RPS6KB1: variants seen among roughly 807,000 people sequenced by gnomAD.
RPS6KB1 encodes the protein ribosomal protein S6 kinase beta-1.
RPS6KB1 carries 12 observed loss-of-function variants against 70.2 expected under a neutral mutation model. The observed-to-expected ratio is 0.17, with a 90% CI of 0.11 to 0.28. The LOEUF is 0.28. Among genes scored for constraint, RPS6KB1 ranks in the 10% least tolerant of loss-of-function variants. The pLI is 1.00. For synonymous variants in RPS6KB1, 175 were observed against 211.2 expected, an observed-to-expected ratio of 0.83 and a Z score of 1.49; for missense variants, 270 against 646.6, an observed-to-expected ratio of 0.42 and a Z score of 6.32.
chr17:59,912,190 G>T, intron 2 of RPS6KB1: 1 of 189,946 alleles, frequency 5.3e-6, no homozygotes, highest in South Asian at 9.3e-5. Flanking sequence ...GCACTCCTAA[G>T]AGCAAGATGG....
chr17:59,903,258 T>G (rs2144709209), intron 1 of RPS6KB1, among the ~76,000 whole-genome samples: 1 of 150,356 alleles, frequency 6.7e-6, no homozygotes, highest in Admixed American at 6.7e-5. Flanking sequence ...TGACCCGAGA[T>G]AGCACCACTG....
intron 2 of RPS6KB1, among the ~76,000 whole-genome samples, chr17:59,911,550 T>G (rs1250041643): frequency 2.1e-5 from 3 of 143,134 alleles, no homozygotes; most frequent in Non-Finnish European, 3.0e-5. Flanking sequence ...TTTTTTTTTT[T>G]TTTTTTTTTT....
At chr17:59,922,387 C>T (rs895534275) in intron 4 of RPS6KB1, among the ~76,000 whole-genome samples, 51 of 151,422 alleles carry the variant, frequency 3.4e-4, no homozygotes, top group African/African-American at 1.2e-3. Context: ...ATGATAGAAA[C>T]GGTGTGAATA....
intron 12 of RPS6KB1, among the ~76,000 whole-genome samples, chr17:59,937,445 T>C (rs1245941520): frequency 6.6e-6 from 1 of 152,218 alleles, no homozygotes; most frequent in Non-Finnish European, 1.5e-5. Flanking sequence ...ATCTCATAGA[T>C]CTGGAGACTA....
chr17:59,894,387 G>C (rs1467538523), intron 1 of RPS6KB1, among the ~76,000 whole-genome samples: 1 of 152,104 alleles, frequency 6.6e-6, no homozygotes. Flanking sequence ...CCTCTTGGTA[G>C]TTTAGCATCT....
At chr17:59,910,728 T>C in intron 2 of RPS6KB1, 117 bp downstream of exon 2, 1 of 666,318 alleles carries the variant, frequency 1.5e-6, no homozygotes, top group South Asian at 1.9e-5. Flanking sequence ...TGTAGTCATA[T>C]TTATCAACTC....
At chr17:59,924,318 G>C (rs1259577468) in intron 4 of RPS6KB1, among the ~76,000 whole-genome samples, 1 of 134,680 alleles carries the variant, frequency 7.4e-6, no homozygotes, top group Admixed American at 7.5e-5. Flanking sequence ...GACAGAGTGA[G>C]ACTCTGTCTA....
chr17:59,898,345 A>G (rs1053361153), intron 1 of RPS6KB1, among the ~76,000 whole-genome samples: 2 of 152,196 alleles, frequency 1.3e-5, no homozygotes, highest in African/African-American at 4.8e-5. Context: ...CCAAAGTGCT[A>G]TATAGATAGT....
chr17:59,936,144 C>G, intron 10 of RPS6KB1, 71 bp from the exon 11 acceptor site: 1 of 1,355,696 alleles, frequency 7.4e-7, no homozygotes, highest in South Asian at 1.3e-5. Context: ...TAGACAAGCA[C>G]AGTCTAAAAA....
At position 59,947,879 on chromosome 17, in the gene RPS6KB1, T is replaced by A. The variant is rs1415863360; in HGVS notation, c.*1091T>A. On this transcript the variant is annotated 3_prime_UTR_variant, in exon 15 of 15. Transcript: ENST00000225577. ...TCTGTCTAATCTCTTTACAGCAAATTGGTAAGATTTTCAGTTTTACTTCTT... is the reference window on the plus strand; with the variant it reads ...TCTGTCTAATCTCTTTACAGCAAATAGGTAAGATTTTCAGTTTTACTTCTT... 2.7e-6 allele frequency: 1 copy of A among 373,970 alleles called. No homozygotes were observed. The highest frequency in any genetic ancestry group is 4.6e-5 in the Admixed American group (1 of 21,702). 23.2% of individuals were successfully genotyped at this position (373,970 alleles called of 1,614,324 possible).
At position 59,912,675 on chromosome 17, in the gene RPS6KB1, T is replaced by G; in HGVS notation, c.192-9T>G. 6.2e-7 allele frequency: 1 copy of G among 1,606,676 alleles called. No homozygotes were observed. ...GCAAATTTATTTTTGGTTTTGCTTT[T>G]CTTCCCAGTGGCATGGAACATTGTG... On this transcript the variant is annotated splice_polypyrimidine_tract_variant and intron_variant, in intron 2 of 14. Coordinates refer to ENST00000225577, the MANE Select transcript of RPS6KB1 (RefSeq NM_003161.4).
At position 59,915,600 on chromosome 17, in the gene RPS6KB1, G is replaced by C. The variant is rs377700939; in HGVS notation, c.381+897G>C. Among the ~76,000 whole-genome samples, 250 of 151,026 alleles carry C rather than the reference G, an allele frequency of 1.7e-3. 6 individuals carry two copies. In the South Asian group the frequency reaches 0.048, roughly 29 times the overall value. ...CCTGCCCTAGCCTCCCTAATAGCTG[G>C]GATTACAGGCGCCTACCACCACGCC... On this transcript the variant is annotated intron_variant, in intron 4 of 14. Coordinates refer to ENST00000225577, the MANE Select transcript of RPS6KB1 (RefSeq NM_003161.4).
chr17:59,936,638 G>T, intron 12 of RPS6KB1, 97 bp downstream of exon 12: 1 of 969,192 alleles, frequency 1.0e-6, no homozygotes, highest in South Asian at 1.3e-5. Context: ...TTGAGGCCAG[G>T]AGTTCAAGAC....
At chr17:59,918,716 C>T (rs917841458) in intron 4 of RPS6KB1, among the ~76,000 whole-genome samples, 8 of 151,892 alleles carry the variant, frequency 5.3e-5, no homozygotes, top group South Asian at 2.1e-4. Flanking sequence ...TTTTGTTTTA[C>T]GCATGTTCTT....
rs1311271379 is a variant in RPS6KB1 at position 59,946,386 on chromosome 17, G to C, written c.1341-165G>C. On this transcript the variant is annotated intron_variant, in intron 14 of 14. Coordinates refer to ENST00000225577, the MANE Select transcript of RPS6KB1 (RefSeq NM_003161.4). The surrounding 1 kb of genome is among the most constrained non-coding windows in gnomAD (Gnocchi z 4.2). ...TAGGAAATTCTAGCAGTTAATCTAG[G>C]TGGGGGAGAGATGGTTCAATTTTTG... Among the ~76,000 whole-genome samples, 1 of 152,118 alleles carries C rather than the reference G, an allele frequency of 6.6e-6. No individual in the cohort carries two copies. The highest frequency in any genetic ancestry group is 1.5e-5 in the Non-Finnish European group (1 of 68,020).
At chr17:59,912,862 G>T (rs754387170) in intron 3 of RPS6KB1, 58 bp downstream of exon 3, 3 of 1,572,718 alleles carry the variant, frequency 1.9e-6, no homozygotes, top group South Asian at 1.1e-5. Flanking sequence ...TGATTTTTAT[G>T]CCCTGGTTCC....
chr17:59,897,080 G>A (rs1175749379), intron 1 of RPS6KB1, among the ~76,000 whole-genome samples: 2 of 152,204 alleles, frequency 1.3e-5, no homozygotes, highest in Non-Finnish European at 2.9e-5. Flanking sequence ...CTGAGGCATA[G>A]GCCATATGAT....
intron 2 of RPS6KB1, 132 bp downstream of exon 2, chr17:59,910,743 T>C (rs2047779604): frequency 3.2e-6 from 2 of 621,054 alleles, no homozygotes; most frequent in Non-Finnish European, 5.6e-6. Context: ...CAACTCGATG[T>C]ATTGAATTTG....
In RPS6KB1 at chr17:59,899,551, C is replaced by A. The variant is rs180971032; in HGVS notation, c.141+6226C>A. ...TAAAGAAAAAACAATTATGTAATACCAGTTTTATCACATCTGGAAGAAGTT... is the reference window on the plus strand; with the variant it reads ...TAAAGAAAAAACAATTATGTAATACAAGTTTTATCACATCTGGAAGAAGTT... On this transcript the variant is annotated intron_variant, in intron 1 of 14. Coordinates refer to ENST00000225577, the MANE Select transcript of RPS6KB1 (RefSeq NM_003161.4). Among the ~76,000 whole-genome samples the A allele has an allele frequency of 1.8e-3, 275 of 152,110 alleles. 2 individuals carry two copies. The highest frequency in any genetic ancestry group is 2.8e-3 in the Non-Finnish European group (190 of 68,008).
Sources: allele counts gnomAD v4.1 joint callset (sites outside exome capture counted in the v4.1 genomes callset), GRCh38; gene constraint gnomAD v4.1.1; non-coding constraint Gnocchi (gnomAD v3.1); transcripts MANE v1.5; gene names NCBI Gene and HGNC (gene_info 2026-07-23, HGNC 2026-07-21).